Variants in ZFYVE28 observed in about 807,000 individuals in gnomAD.
ZFYVE28 encodes lateral signaling target protein 2 homolog.
Under a neutral mutation model 82.1 loss-of-function variants are expected in ZFYVE28, and 40 were observed. That is an observed-to-expected ratio of 0.49 (90% CI 0.38 to 0.63). ZFYVE28 has a LOEUF of 0.63. ZFYVE28 is among the 30% of genes least tolerant of loss of function. ZFYVE28 has a pLI of 0.00. For synonymous variants in ZFYVE28, 612 were observed against 546.1 expected, an observed-to-expected ratio of 1.12 and a Z score of -1.68; for missense variants, 1,321 against 1,242.1, an observed-to-expected ratio of 1.06 and a Z score of -0.96.
intron 2 of ZFYVE28, among the ~76,000 whole-genome samples, chr4:2,347,376 A>T (rs1723751662): frequency 6.6e-6 from 1 of 152,224 alleles, no homozygotes; most frequent in African/African-American, 2.4e-5. Flanking sequence ...AAAATCAGCA[A>T]GGATATAGTA....
intron 7 of ZFYVE28, among the ~76,000 whole-genome samples, chr4:2,318,193 C>T (rs1477611095): frequency 6.6e-6 from 1 of 152,224 alleles, no homozygotes; most frequent in African/African-American, 2.4e-5. Context: ...TGCAGCTCAC[C>T]TCCAAAGGCT....
At chr4:2,352,135 T>C (rs1414464103) in intron 2 of ZFYVE28, among the ~76,000 whole-genome samples, 1 of 152,140 alleles carries the variant, frequency 6.6e-6, no homozygotes, top group Admixed American at 6.5e-5. Flanking sequence ...AATGCATGTA[T>C]AAATGGACCT....
At position 2,271,722 on chromosome 4, in the gene ZFYVE28, A is replaced by G; in HGVS notation, c.2381T>C (p.Leu794Pro). ...CTTGGCTGCCAGTTCAGAGGATGACAGGGTCTCCTGGCACAGTGCACAGTC... is the reference window on the plus strand; with the variant it reads ...CTTGGCTGCCAGTTCAGAGGATGACGGGGTCTCCTGGCACAGTGCACAGTC... ...LEDCALCQET[L>P]SSSELAAKTR... The change falls in exon 11 of 13, where the codon CTG becomes CCG. Residue 794 changes from leucine to proline, a missense_variant. By Grantham distance (98) the Leu-to-Pro change is moderately conservative. Coordinates refer to ENST00000290974, the MANE Select transcript of ZFYVE28 (RefSeq NM_020972.3). 1.2e-5 allele frequency: 19 copies of G among 1,613,924 alleles called. No individual in the cohort carries two copies. The highest frequency in any genetic ancestry group is 1.5e-5 in the Non-Finnish European group (18 of 1,179,998).
chr4:2,354,652 T>G (rs962992267), intron 1 of ZFYVE28, among the ~76,000 whole-genome samples: 1 of 151,888 alleles, frequency 6.6e-6, no homozygotes, highest in African/African-American at 2.4e-5. Flanking sequence ...AGAGACGGGG[T>G]TTCGCCATAT....
intron 1 of ZFYVE28, among the ~76,000 whole-genome samples, chr4:2,396,995 C>G (rs1374845170): frequency 6.6e-6 from 1 of 152,178 alleles, no homozygotes; most frequent in Non-Finnish European, 1.5e-5. Context: ...GGACAGGAGC[C>G]AGGGCAGAAG....
At chr4:2,370,964 A>G (rs1353261686) in intron 1 of ZFYVE28, among the ~76,000 whole-genome samples, 3 of 152,154 alleles carry the variant, frequency 2.0e-5, no homozygotes, top group Non-Finnish European at 4.4e-5. Flanking sequence ...CCCACTGTCC[A>G]CCACGAAGAC....
intron 1 of ZFYVE28, among the ~76,000 whole-genome samples, chr4:2,388,789 A>G (rs1435952555): frequency 6.6e-6 from 1 of 152,192 alleles, no homozygotes; most frequent in African/African-American, 2.4e-5. Context: ...TGAGGCAATG[A>G]GGATGGGAGG....
chr4:2,339,232 A>C lies in ZFYVE28; in HGVS notation c.521+221T>G, dbSNP rs2108860878. 6.6e-6 allele frequency among the ~76,000 whole-genome samples: 1 copy of C among 151,818 alleles called. No individual in the cohort carries two copies. Among genetic ancestry groups the C allele is most frequent in the East Asian group, 1.9e-4 (1 of 5,156 alleles). Reference sequence around the variant, plus strand: ...GGAGGCCCACGGCGGCCAGATCCACACCTGTGTCCTCTGTGCTCACCCCAC... The same window carrying C: ...GGAGGCCCACGGCGGCCAGATCCACCCCTGTGTCCTCTGTGCTCACCCCAC... On this transcript the variant is annotated intron_variant, in intron 4 of 12. Transcript: ENST00000290974. The surrounding 1 kb of genome is among the most constrained non-coding windows in gnomAD (Gnocchi z 5.0).
chr4:2,406,351 C>T (rs1368188078), intron 1 of ZFYVE28, among the ~76,000 whole-genome samples: 1 of 151,174 alleles, frequency 6.6e-6, no homozygotes, highest in East Asian at 2.0e-4. Context: ...CAGCCTGGGC[C>T]ACAGAACAAG....
At chr4:2,369,382 G>T (rs3128813) in intron 1 of ZFYVE28, among the ~76,000 whole-genome samples, 101,313 of 151,926 alleles carry the variant, frequency 0.67, 34,136 homozygotes, top group East Asian at 0.8. Context: ...GACCTAATTT[G>T]CCATAAAGAG....
At chr4:2,340,208 C>T (rs1179329080) in intron 3 of ZFYVE28, among the ~76,000 whole-genome samples, 1 of 152,158 alleles carries the variant, frequency 6.6e-6, no homozygotes, top group African/African-American at 2.4e-5. Flanking sequence ...CGCAACCTTC[C>T]CCGGAACGCA....
At position 2,320,961 on chromosome 4, in the gene ZFYVE28, T is replaced by C. The variant is rs6839394; in HGVS notation, c.702-690A>G. On this transcript the variant is annotated intron_variant, in intron 6 of 12. Coordinates refer to ENST00000290974, the MANE Select transcript of ZFYVE28 (RefSeq NM_020972.3). This position sits in a 1 kb window ranked among gnomAD's most constrained non-coding sequence, Gnocchi z 5.1. ...CAAGCTTCCCAGATGCCACCTCCAG[T>C]GGCACCCACTCCTCTCCACGCACCG... 2.3e-3 allele frequency among the ~76,000 whole-genome samples: 344 copies of C among 152,244 alleles called. 3 individuals are homozygous for C. The highest frequency in any genetic ancestry group is 7.7e-3 in the African/African-American group (319 of 41,548).
rs1460272550 is a variant in ZFYVE28, at chr4:2,333,284, C to G, written c.701+2421G>C. 5.0e-5 allele frequency among the ~76,000 whole-genome samples: 7 copies of G among 140,466 alleles called. 1 individual carries two copies. Among genetic ancestry groups the G allele is most frequent in the African/African-American group, 1.9e-4 (7 of 37,478 alleles). The allele number at this position is 140,466 out of a possible 152,430, so 92.2% of individuals were successfully genotyped here. Reference sequence around the variant, plus strand: ...CACCTCCCTCCCCAAGCTGCCCCCCCACCTCCCTCCTCTGGCCTCCCCTAC... The same window carrying G: ...CACCTCCCTCCCCAAGCTGCCCCCCGACCTCCCTCCTCTGGCCTCCCCTAC... On this transcript the variant is annotated intron_variant, in intron 6 of 12. Coordinates refer to ENST00000290974, the MANE Select transcript of ZFYVE28 (RefSeq NM_020972.3).
intron 2 of ZFYVE28, among the ~76,000 whole-genome samples, chr4:2,345,420 T>A (rs1420646830): frequency 2.3e-4 from 35 of 151,846 alleles, no homozygotes; most frequent in Non-Finnish European, 1.5e-5. Context: ...AATTACAGTG[T>A]CTGAGATGAA....
At chr4:2,396,170 CA>C (rs1458084913) in intron 1 of ZFYVE28, among the ~76,000 whole-genome samples, 3 of 34,288 alleles carry the variant, frequency 8.7e-5, no homozygotes, top group Admixed American at 4.3e-4. Context: ...GCAGAGGGGA[CA>C]CAAGGTGGGG....
At chr4:2,316,022 C>T (rs1718159986) in intron 7 of ZFYVE28, among the ~76,000 whole-genome samples, 1 of 152,024 alleles carries the variant, frequency 6.6e-6, no homozygotes, top group African/African-American at 2.4e-5. Context: ...GTTTGGGTCT[C>T]TTCTATTAAG....
intron 8 of ZFYVE28, among the ~76,000 whole-genome samples, chr4:2,303,791 G>A (rs1044298193): frequency 5.3e-5 from 8 of 152,202 alleles, no homozygotes; most frequent in Middle Eastern, 3.2e-3. Flanking sequence ...CAGTCTCCGC[G>A]CCCACGGCCA....
At chr4:2,388,077 G>A (rs1239156803) in intron 1 of ZFYVE28, among the ~76,000 whole-genome samples, 1 of 152,230 alleles carries the variant, frequency 6.6e-6, no homozygotes, top group Admixed American at 6.5e-5. Context: ...CAGATAATGA[G>A]CTCCCATAAT....
At chr4:2,313,117 G>T (rs931136341) in intron 7 of ZFYVE28, among the ~76,000 whole-genome samples, 4 of 139,760 alleles carry the variant, frequency 2.9e-5, no homozygotes, top group Non-Finnish European at 4.7e-5. Flanking sequence ...GTTTTTCCAG[G>T]TTTTTTTTTT....
Sources: allele counts gnomAD v4.1 joint callset (sites outside exome capture counted in the v4.1 genomes callset), GRCh38; gene constraint gnomAD v4.1.1; non-coding constraint Gnocchi (gnomAD v3.1); transcripts MANE v1.5; gene names NCBI Gene and HGNC (gene_info 2026-07-23, HGNC 2026-07-21).